Variants in NIPSNAP2 observed in about 807,000 individuals in gnomAD.
NIPSNAP2 encodes protein NipSnap homolog 2.
Under a neutral mutation model 48.4 loss-of-function variants are expected in NIPSNAP2, and 42 were observed. The observed-to-expected ratio is 0.87, with a 90% CI of 0.68 to 1.12. The LOEUF (loss-of-function observed/expected upper bound fraction) is 1.12, where lower values mean the gene tolerates loss of function less well. NIPSNAP2 is among the 50% of genes most tolerant of loss of function. The pLI, the probability that NIPSNAP2 is intolerant of heterozygous loss-of-function variation, is 0.00. For synonymous variants in NIPSNAP2, 158 were observed against 126.6 expected, an observed-to-expected ratio of 1.25 and a Z score of -1.67; for missense variants, 314 against 347.3, an observed-to-expected ratio of 0.90 and a Z score of 0.76.
chr7:55,981,609 C>G (rs2116351071), intron 4 of NIPSNAP2, 42 bp downstream of exon 4: 1 of 1,263,112 alleles, frequency 7.9e-7, no homozygotes, highest in Non-Finnish European at 1.1e-6. Flanking sequence ...CTTCCTTAAG[C>G]CTTATGTAAC....
At chr7:55,970,761 C>T (rs73138736) in intron 1 of NIPSNAP2, among the ~76,000 whole-genome samples, 21,771 of 152,078 alleles carry the variant, frequency 0.14, 1,727 homozygotes, top group Non-Finnish European at 0.18. Flanking sequence ...TGTCATGACT[C>T]CATGTCCCTG....
intron 8 of NIPSNAP2, among the ~76,000 whole-genome samples, chr7:55,995,921 T>C (rs35092795): frequency 0.045 from 6,879 of 152,124 alleles, 299 homozygotes; most frequent in East Asian, 0.22. Flanking sequence ...GAGGCTGCAG[T>C]GAGCTATGAC....
chr7:55,970,394 C>T (rs1241469121), intron 1 of NIPSNAP2, among the ~76,000 whole-genome samples: 3 of 151,400 alleles, frequency 2.0e-5, no homozygotes, highest in Admixed American at 6.6e-5. Flanking sequence ...CTGCAACGTC[C>T]GCCTCCCAGG....
chr7:55,996,845 TAGTG>T (rs989384204), intron 8 of NIPSNAP2, among the ~76,000 whole-genome samples: 43 of 151,922 alleles, frequency 2.8e-4, no homozygotes, highest in African/African-American at 8.0e-4. Flanking sequence ...TCGGGCAACA[TAGTG>T]AGACCCCATC....
At position 55,981,520 on chromosome 7, in the gene NIPSNAP2, C is replaced by G. The variant is rs754548432; in HGVS notation, c.326C>G (p.Thr109Ser). ...CACGAAGATAAACACTACCCTTGTA[C>G]TTTGGTGGGGACTTGGAACACGTGG... Reference protein sequence around the residue: ...KIHEDKHYPCTLVGTWNTWYG... With the variant: ...KIHEDKHYPCSLVGTWNTWYG... The change falls in exon 4 of 10, where the codon ACT becomes AGT. Residue 109 changes from threonine to serine, a missense_variant. Physicochemically the swap from Thr to Ser is moderately conservative, Grantham distance 58 (BLOSUM62 1). Coordinates refer to ENST00000322090, the MANE Select transcript of NIPSNAP2 (RefSeq NM_001483.3). 1 of 1,613,790 alleles carries G rather than the reference C, an allele frequency of 6.2e-7. No individual in the cohort carries two copies. The highest frequency in any genetic ancestry group is 8.5e-7 in the Non-Finnish European group (1 of 1,179,926).
intron 5 of NIPSNAP2, among the ~76,000 whole-genome samples, chr7:55,983,295 G>A (rs1236670152): frequency 2.0e-5 from 3 of 152,140 alleles, no homozygotes; most frequent in Admixed American, 1.3e-4. Context: ...TCACTAGCAG[G>A]TGTTTGTCAA....
At chr7:55,993,151 T>G (rs1354747915) in intron 7 of NIPSNAP2, among the ~76,000 whole-genome samples, 1 of 151,472 alleles carries the variant, frequency 6.6e-6, no homozygotes, top group Non-Finnish European at 1.5e-5. Context: ...ATACAAAAAT[T>G]AGCCAGGCGT....
chr7:55,974,700 T>C (rs569113227), intron 1 of NIPSNAP2, among the ~76,000 whole-genome samples: 1 of 151,796 alleles, frequency 6.6e-6, no homozygotes, highest in African/African-American at 2.4e-5. Context: ...TACAAAAAAT[T>C]AGCCGGGTGT....
At chr7:55,991,762 A>ATG (rs72379655) in intron 7 of NIPSNAP2, 2 of 167,480 alleles carry the variant, frequency 1.2e-5, no homozygotes, top group African/African-American at 2.8e-5. Context: ...AAAAAAAAAA[A>ATG]AAAATATATA....
intron 1 of NIPSNAP2, among the ~76,000 whole-genome samples, chr7:55,969,495 G>GCCC (rs1325589104): frequency 6.6e-6 from 1 of 152,008 alleles, no homozygotes; most frequent in Non-Finnish European, 1.5e-5. Context: ...GTTAGAGCAG[G>GCCC]CCCCCAGGCT....
chr7:55,970,044 C>G (rs989329002), intron 1 of NIPSNAP2, among the ~76,000 whole-genome samples: 1 of 151,894 alleles, frequency 6.6e-6, no homozygotes, highest in Non-Finnish European at 1.5e-5. Context: ...CTGCCTCATC[C>G]TGTGGTCTCA....
In NIPSNAP2 at chr7:55,986,532, T is replaced by G. The variant is rs1428510161; in HGVS notation, c.617+1654T>G. On this transcript the variant is annotated intron_variant, in intron 7 of 9. Transcript: ENST00000322090. The stretch of plus-strand genomic sequence containing the variant: ...CAAAAATTAGCCACGTATGGCGGTG[T>G]GCACCTGTAGTTCCAGCTACTCAGG... Among the ~76,000 whole-genome samples the G allele has an allele frequency of 3.3e-5, 5 of 151,508 alleles. No individual in the cohort carries two copies. In the East Asian group the frequency reaches 9.8e-4, roughly 30 times the overall value.
chr7:55,992,506 T>C (rs149127722), intron 7 of NIPSNAP2, among the ~76,000 whole-genome samples: 2 of 152,110 alleles, frequency 1.3e-5, no homozygotes, highest in African/African-American at 4.8e-5. Flanking sequence ...GGAGATTGGC[T>C]TAGTCACTCA....
At chr7:55,980,487 C>T (rs1185354246) in intron 3 of NIPSNAP2, 1 of 152,216 alleles carries the variant, frequency 6.6e-6, no homozygotes, top group Non-Finnish European at 1.5e-5. Flanking sequence ...GAACAGGTTC[C>T]ATTTCTTGCC....
At chr7:55,976,035 A>C (rs1787100554) in intron 1 of NIPSNAP2, among the ~76,000 whole-genome samples, 2 of 80,550 alleles carry the variant, frequency 2.5e-5, no homozygotes, top group African/African-American at 1.1e-4. Flanking sequence ...GATTCTCTCA[A>C]AAAAGTGTGT....
rs1023963296 is a variant in NIPSNAP2 at position 55,982,421 on chromosome 7, T to A, written c.444+141T>A. 6 of 610,912 alleles carry A rather than the reference T, an allele frequency of 9.8e-6. No homozygotes were observed. The African/African-American group carries it at 1.1e-4, about 11-fold the overall frequency. The allele number at this position is 610,912 out of a possible 1,614,324, so 37.8% of individuals were successfully genotyped here. A position where few individuals can be genotyped will look rare whatever the true frequency, so the allele number is the denominator to read the frequency against. ...ATTTTATTGTTTGGACTCCTGAAGT[T>A]GTATTTAAACATAAACAGTTGTAAT... On this transcript the variant is annotated intron_variant, in intron 5 of 9. Coordinates refer to ENST00000322090, the MANE Select transcript of NIPSNAP2 (RefSeq NM_001483.3).
intron 7 of NIPSNAP2, among the ~76,000 whole-genome samples, chr7:55,989,896 C>T (rs546724294): frequency 1.1e-4 from 17 of 149,380 alleles, no homozygotes; most frequent in Admixed American, 2.0e-4. Context: ...CACTTGAGGT[C>T]AGGAGTTTGA....
intron 7 of NIPSNAP2, among the ~76,000 whole-genome samples, chr7:55,989,950 C>CAA (rs34909004): frequency 9.3e-5 from 11 of 118,892 alleles, no homozygotes; most frequent in South Asian, 2.7e-4. Flanking sequence ...ACTAAAAATC[C>CAA]AAAAAAAAAA....
chr7:55,999,017 TTCA>T lies in NIPSNAP2; in HGVS notation c.807_809del (p.Ile269_Gln270delinsMet). The stretch of plus-strand genomic sequence containing the variant: ...CTGATCTTGTTTTCAGTTCCACTTA[TTCA>T]GGAAATGGAATCCAGAATCATGATC... On this transcript the variant is annotated inframe_deletion, in exon 10 of 10. Coordinates refer to ENST00000322090, the MANE Select transcript of NIPSNAP2 (RefSeq NM_001483.3). 1 of 1,614,002 alleles carries T rather than the reference TTCA, an allele frequency of 6.2e-7. No homozygotes were observed. The highest frequency in any genetic ancestry group is 8.5e-7 in the Non-Finnish European group (1 of 1,179,876).
Sources: allele counts gnomAD v4.1 joint callset (sites outside exome capture counted in the v4.1 genomes callset), GRCh38; gene constraint gnomAD v4.1.1; transcripts MANE v1.5; gene names NCBI Gene and HGNC (gene_info 2026-07-23, HGNC 2026-07-21).